Variants in ANO3 observed in about 807,000 individuals in gnomAD.
ANO3 encodes the protein anoctamin-3.
A neutral mutation model predicts 144.8 loss-of-function variants in ANO3; 99 were observed. The ratio of observed to expected loss-of-function variants is 0.68; its 90% CI spans 0.58 to 0.81. The LOEUF (loss-of-function observed/expected upper bound fraction) is 0.81, where lower values mean the gene tolerates loss of function less well. Among genes scored for constraint, ANO3 ranks in the 30% least tolerant of loss-of-function variants. The probability of loss-of-function intolerance (pLI) is 0.00; values close to 1 mark genes in which losing one functional copy is unlikely to be tolerated. For synonymous variants in ANO3, 414 were observed against 392.6 expected, an observed-to-expected ratio of 1.05 and a Z score of -0.64; for missense variants, 905 against 1,202.2, an observed-to-expected ratio of 0.75 and a Z score of 3.66.
intron 17 of ANO3, among the ~76,000 whole-genome samples, chr11:26,605,711 T>C (rs1229779387): frequency 6.6e-6 from 1 of 152,248 alleles, no homozygotes; most frequent in Admixed American, 6.5e-5. Context: ...CTAGATTTTC[T>C]AGTTTATTTG....
chr11:26,209,302 T>C (rs1345241934), intron 1 of ANO3, among the ~76,000 whole-genome samples: 1 of 152,238 alleles, frequency 6.6e-6, no homozygotes, highest in Non-Finnish European at 1.5e-5. Context: ...GCTTCATCCA[T>C]GTGCCTGCAA....
chr11:26,273,235 T>G (rs567658771), intron 1 of ANO3, among the ~76,000 whole-genome samples: 25 of 146,720 alleles, frequency 1.7e-4, no homozygotes, highest in Admixed American at 1.6e-3. Flanking sequence ...AGTTTTTTTT[T>G]TTTTTTTTTT....
At chr11:26,470,810 G>A (rs1859753865) in intron 4 of ANO3, among the ~76,000 whole-genome samples, 1 of 151,888 alleles carries the variant, frequency 6.6e-6, no homozygotes, top group South Asian at 2.1e-4. Flanking sequence ...ATAGATTTAA[G>A]CCATAAATAT....
rs566252348 is a variant in ANO3 at position 26,641,167 on chromosome 11, G to A, written c.2142-729G>A. On this transcript the variant is annotated intron_variant, in intron 21 of 26. Transcript: ENST00000256737. ...AATTCCAAGATTGTACTTGGGCTAA[G>A]AAAACAGTATTGTTACTTCCTTTTC... Among the ~76,000 whole-genome samples the A allele has an allele frequency of 4.5e-4, 68 of 151,984 alleles. No individual in the cohort carries two copies. In the South Asian group the frequency reaches 0.014, roughly 31 times the overall value.
chr11:26,457,899 T>G (rs989516079), intron 3 of ANO3, among the ~76,000 whole-genome samples: 1 of 152,168 alleles, frequency 6.6e-6, no homozygotes, highest in Non-Finnish European at 1.5e-5. Context: ...GTCTTTTTTT[T>G]GTGAAAATCT....
intron 17 of ANO3, among the ~76,000 whole-genome samples, chr11:26,612,520 T>C (rs1015860291): frequency 1.3e-5 from 2 of 150,578 alleles, no homozygotes; most frequent in South Asian, 2.1e-4. Context: ...TACTAGATGA[T>C]TGAAAGTTTA....
At chr11:26,381,087 G>A (rs181050324) in intron 1 of ANO3, among the ~76,000 whole-genome samples, 5 of 151,992 alleles carry the variant, frequency 3.3e-5, no homozygotes, top group Middle Eastern at 3.4e-3. Context: ...CCTTTTTCAA[G>A]GTAGTTTTTC....
chr11:26,590,081 G>A (rs1285429868), intron 14 of ANO3, among the ~76,000 whole-genome samples: 1 of 152,158 alleles, frequency 6.6e-6, no homozygotes, highest in Admixed American at 6.5e-5. Flanking sequence ...TACCCTCTAA[G>A]AGAATAGATG....
chr11:26,642,792 T>C (rs913813062), intron 22 of ANO3, among the ~76,000 whole-genome samples: 7 of 134,274 alleles, frequency 5.2e-5, no homozygotes, highest in Middle Eastern at 3.6e-3. Flanking sequence ...CCTCCTCTTC[T>C]TTCTCTTTCT....
At chr11:26,613,225 A>G (rs1272284039) in intron 17 of ANO3, among the ~76,000 whole-genome samples, 1 of 152,102 alleles carries the variant, frequency 6.6e-6, no homozygotes, top group Non-Finnish European at 1.5e-5. Flanking sequence ...TTATTTTAAA[A>G]GATCTGTATT....
At chr11:26,396,639 G>T (rs1379315819) in intron 1 of ANO3, among the ~76,000 whole-genome samples, 1 of 152,018 alleles carries the variant, frequency 6.6e-6, no homozygotes, top group Admixed American at 6.6e-5. Flanking sequence ...CATGTCCTTT[G>T]CAGGTACATG....
At chr11:26,216,996 T>C (rs1400424793) in intron 1 of ANO3, among the ~76,000 whole-genome samples, 2 of 152,060 alleles carry the variant, frequency 1.3e-5, no homozygotes, top group African/African-American at 4.8e-5. Context: ...TGTAAATATT[T>C]TTCTCCGAAT....
chr11:26,307,182 C>G (rs376997450), upstream of ANO3, among the ~76,000 whole-genome samples: 2 of 151,324 alleles, frequency 1.3e-5, no homozygotes, highest in South Asian at 4.2e-4. Flanking sequence ...AGTAAAACCC[C>G]GCCTCTACTA....
At chr11:26,534,847 A>G (rs1849464254) in intron 9 of ANO3, among the ~76,000 whole-genome samples, 1 of 152,196 alleles carries the variant, frequency 6.6e-6, no homozygotes, top group Non-Finnish European at 1.5e-5. Context: ...CAGACTTTTG[A>G]GTGACAAAAT....
chr11:26,328,471 G>A (rs1208486858), upstream of ANO3, among the ~76,000 whole-genome samples: 1 of 152,136 alleles, frequency 6.6e-6, no homozygotes, highest in Non-Finnish European at 1.5e-5. Flanking sequence ...GACCCAAAGA[G>A]GCAGAAACAG....
chr11:26,644,923 G>T (rs908973803), intron 23 of ANO3, among the ~76,000 whole-genome samples: 2 of 151,258 alleles, frequency 1.3e-5, no homozygotes, highest in Admixed American at 6.6e-5. Flanking sequence ...AGAGATGCTG[G>T]TTTTCAATTT....
intron 1 of ANO3, among the ~76,000 whole-genome samples, chr11:26,376,579 A>T (rs1856416006): frequency 6.6e-6 from 1 of 152,088 alleles, no homozygotes. Flanking sequence ...GATGTTTCTC[A>T]AAGTTTATTC....
At chr11:26,338,644 C>T (rs1459286137) in intron 1 of ANO3, among the ~76,000 whole-genome samples, 1 of 152,208 alleles carries the variant, frequency 6.6e-6, no homozygotes, top group African/African-American at 2.4e-5. Flanking sequence ...AACTGTAGCA[C>T]TCACCGCGAG....
At chr11:26,381,614 A>T (rs1023802256) in intron 1 of ANO3, among the ~76,000 whole-genome samples, 1 of 152,216 alleles carries the variant, frequency 6.6e-6, no homozygotes, top group African/African-American at 2.4e-5. Context: ...TACCTATCTC[A>T]TAAAAGGCAT....
Sources: gnomAD v4.1 joint callset for allele counts (sites outside exome capture counted in the v4.1 genomes callset) on GRCh38, gnomAD v4.1.1 for gene constraint, MANE v1.5 for transcripts, NCBI Gene and HGNC (gene_info 2026-07-23, HGNC 2026-07-21) for gene names.